Variants in TMED5 observed in about 807,000 individuals in gnomAD.
TMED5 encodes transmembrane p24 trafficking protein 5.
In TMED5, 27 loss-of-function variants were observed where a neutral mutation model predicts 23.0. That is an observed-to-expected ratio of 1.17 (90% CI 0.86 to 1.62). The LOEUF (loss-of-function observed/expected upper bound fraction) is 1.62. Ranked by LOEUF, TMED5 falls within the 40% of genes most tolerant of loss-of-function variation. The pLI is 0.00. For synonymous variants in TMED5, 97 were observed against 100.8 expected (o/e 0.96, Z 0.23); for missense variants, 248 against 273.7 (o/e 0.91, Z 0.66).
At chr1:93,159,247 C>T (rs1430325170) in intron 2 of TMED5, among the ~76,000 whole-genome samples, 1 of 152,182 alleles carries the variant, frequency 6.6e-6, no homozygotes, top group Non-Finnish European at 1.5e-5. Context: ...TGTCTCCACC[C>T]TGCATGTGTA....
intron 1 of TMED5, among the ~76,000 whole-genome samples, chr1:93,178,156 C>T (rs1289651764): frequency 1.3e-5 from 2 of 152,146 alleles, no homozygotes; most frequent in East Asian, 1.9e-4. Flanking sequence ...CTACTCAGCA[C>T]GGCAAACAAG....
At chr1:93,159,476 G>A (rs1459049576) in intron 2 of TMED5, among the ~76,000 whole-genome samples, 1 of 152,100 alleles carries the variant, frequency 6.6e-6, no homozygotes, top group East Asian at 1.9e-4. Flanking sequence ...AAATGTTATA[G>A]TAAGATAATA....
At chr1:93,162,030 CTG>C (rs1242404745) in intron 1 of TMED5, 1 of 151,372 alleles carries the variant, frequency 6.6e-6, no homozygotes, top group Non-Finnish European at 1.5e-5. Context: ...GTTTTCTCTT[CTG>C]TATTTATAGT....
At chr1:93,162,623 A>C (rs1648322779) in intron 1 of TMED5, 1 of 152,146 alleles carries the variant, frequency 6.6e-6, no homozygotes, top group Non-Finnish European at 1.5e-5. Flanking sequence ...AAAACCCACA[A>C]AGAAGAAAAA....
At chr1:93,158,122 CAAAAAAAAAAA>C (rs755186139) in intron 2 of TMED5, among the ~76,000 whole-genome samples, 1 of 69,714 alleles carries the variant, frequency 1.4e-5, no homozygotes, top group Non-Finnish European at 3.2e-5. Context: ...GACTCCGTCT[CAAAAAAAAAAA>C]AAAAAAAAAA....
chr1:93,165,745 T>A (rs1648481379), intron 1 of TMED5, among the ~76,000 whole-genome samples: 1 of 152,244 alleles, frequency 6.6e-6, no homozygotes, highest in Non-Finnish European at 1.5e-5. Flanking sequence ...AATGTACATT[T>A]ATGCTACAAC....
intron 1 of TMED5, 84 bp from the exon 2 acceptor site, chr1:93,160,310 G>T: frequency 1.3e-6 from 1 of 766,120 alleles, no homozygotes. Context: ...ATGATGTAAA[G>T]ATTATCTAAG....
intron 1 of TMED5, among the ~76,000 whole-genome samples, chr1:93,165,208 C>T: frequency 6.6e-6 from 1 of 152,140 alleles, no homozygotes; most frequent in African/African-American, 2.4e-5. Flanking sequence ...TCCTGACTGG[C>T]AGAAACTAAA....
chr1:93,177,301 G>A (rs183010969), intron 1 of TMED5, among the ~76,000 whole-genome samples: 7 of 152,054 alleles, frequency 4.6e-5, no homozygotes, highest in East Asian at 1.9e-4. Flanking sequence ...AGTCCCAGCC[G>A]GGCGCGGTGG....
intron 1 of TMED5, among the ~76,000 whole-genome samples, chr1:93,165,519 G>A (rs1281732704): frequency 6.6e-6 from 1 of 152,188 alleles, no homozygotes; most frequent in Non-Finnish European, 1.5e-5. Context: ...ACTTGGATTA[G>A]TTGTAAGTGT....
intron 2 of TMED5, among the ~76,000 whole-genome samples, chr1:93,157,603 C>CT (rs932268760): frequency 3.7e-4 from 57 of 152,194 alleles, no homozygotes; most frequent in African/African-American, 1.4e-3. Context: ...GTAGTCCTAG[C>CT]TACTCGGGAG....
At chr1:93,170,943 C>T (rs896908673) in intron 1 of TMED5, among the ~76,000 whole-genome samples, 13 of 152,262 alleles carry the variant, frequency 8.5e-5, no homozygotes, top group South Asian at 2.1e-4. Context: ...GACCAATCAG[C>T]GAAATGTGGG....
chr1:93,164,033 A>G (rs930872090), intron 1 of TMED5, among the ~76,000 whole-genome samples: 112 of 152,134 alleles, frequency 7.4e-4, no homozygotes, highest in African/African-American at 2.5e-3. Flanking sequence ...GTTGATTTCA[A>G]TGGAACATGA....
intron 1 of TMED5, among the ~76,000 whole-genome samples, chr1:93,173,153 A>C (rs1227885483): frequency 6.6e-6 from 1 of 152,204 alleles, no homozygotes; most frequent in Non-Finnish European, 1.5e-5. Context: ...CAGGAAGGTG[A>C]CTATGGTCAA....
intron 1 of TMED5, among the ~76,000 whole-genome samples, chr1:93,176,489 T>G (rs61799467): frequency 0.015 from 2,236 of 149,130 alleles, 26 homozygotes; most frequent in Non-Finnish European, 0.023. Context: ...AATACTTGAT[T>G]GTATGAGGGC....
intron 1 of TMED5, chr1:93,163,037 G>C (rs919650614): frequency 6.6e-6 from 1 of 152,068 alleles, no homozygotes; most frequent in Non-Finnish European, 1.5e-5. Context: ...CCTGTGAGTA[G>C]TCACTGCACT....
At position 93,154,800 on chromosome 1, in the gene TMED5, A is replaced by C; in HGVS notation, c.560T>G (p.Ile187Arg). Residue 187 changes from isoleucine (I) to arginine (R), a missense_variant, in exon 4 of 4, where the codon ATA becomes AGA. Ile to Arg is a moderately conservative substitution (Grantham distance 97). Transcript: ENST00000370282. Reference protein sequence around the residue: ...LRAFEARDRNIQESNFDRVNF... With the variant: ...LRAFEARDRNRQESNFDRVNF... ...GACTCTATCAAAGTTGCTTTCTTGT[A>C]TGTTTCGATCACGAGCTTCAAATGC... The C allele has an allele frequency of 6.2e-7, 1 of 1,614,052 alleles. No homozygotes were observed. The highest frequency in any genetic ancestry group is 8.5e-7 in the Non-Finnish European group (1 of 1,179,934).
intron 3 of TMED5, among the ~76,000 whole-genome samples, chr1:93,155,291 T>C (rs2101123514): frequency 6.6e-6 from 1 of 152,316 alleles, no homozygotes; most frequent in South Asian, 2.1e-4. Flanking sequence ...TTAAGTTAGA[T>C]GGCTGCACAA....
intron 1 of TMED5, among the ~76,000 whole-genome samples, chr1:93,166,085 G>A (rs183582526): frequency 5.4e-4 from 82 of 152,344 alleles, no homozygotes; most frequent in Admixed American, 1.2e-3. Context: ...TGCAGCAAAT[G>A]ACAAGATCTC....
Sources: gnomAD v4.1 joint callset for allele counts (sites outside exome capture counted in the v4.1 genomes callset) on GRCh38, gnomAD v4.1.1 for gene constraint, MANE v1.5 for transcripts, NCBI Gene and HGNC (gene_info 2026-07-23, HGNC 2026-07-21) for gene names.